KPNA3: variants seen among roughly 807,000 people sequenced by gnomAD.
KPNA3 encodes karyopherin subunit alpha 3, also known as importin subunit alpha-4.
A neutral mutation model predicts 73.8 loss-of-function variants in KPNA3; 13 were observed. That is an observed-to-expected ratio of 0.18 (90% CI 0.11 to 0.28). The LOEUF (loss-of-function observed/expected upper bound fraction) is 0.28. Among genes scored for constraint, KPNA3 ranks in the 10% least tolerant of loss-of-function variants. The probability of loss-of-function intolerance (pLI) is 1.00; values close to 1 mark genes in which losing one functional copy is unlikely to be tolerated. For missense variants in KPNA3, 360 were observed against 618.1 expected, an observed-to-expected ratio of 0.58 and a Z score of 4.43; for synonymous variants, 186 against 206.9, an observed-to-expected ratio of 0.90 and a Z score of 0.87.
intron 10 of KPNA3, among the ~76,000 whole-genome samples, chr13:49,713,979 C>T (rs1213649813): frequency 6.6e-6 from 1 of 152,222 alleles, no homozygotes; most frequent in African/African-American, 2.4e-5. Flanking sequence ...GCTGGGATTA[C>T]AGGCATGAGC....
chr13:49,705,943 T>C (rs1954203731), intron 14 of KPNA3, among the ~76,000 whole-genome samples, 155 bp downstream of exon 14: 1 of 152,184 alleles, frequency 6.6e-6, no homozygotes, highest in Non-Finnish European at 1.5e-5. Flanking sequence ...AACTGCACTC[T>C]AGCCTGGGCA....
chr13:49,741,246 T>C, intron 2 of KPNA3, among the ~76,000 whole-genome samples: 1 of 152,190 alleles, frequency 6.6e-6, no homozygotes, highest in Non-Finnish European at 1.5e-5. Context: ...ATTTACATTC[T>C]GACCAAGAGT....
chr13:49,720,216 C>A (rs1387096280), intron 9 of KPNA3, among the ~76,000 whole-genome samples: 2 of 152,156 alleles, frequency 1.3e-5, no homozygotes, highest in Non-Finnish European at 2.9e-5. Flanking sequence ...TCTCACTTAC[C>A]TGCTTAACGT....
intron 1 of KPNA3, among the ~76,000 whole-genome samples, chr13:49,749,635 T>C (rs1389877344): frequency 6.6e-6 from 1 of 152,164 alleles, no homozygotes; most frequent in African/African-American, 2.4e-5. Flanking sequence ...AAAAGTACTA[T>C]ACCCATGAAA....
intron 1 of KPNA3, among the ~76,000 whole-genome samples, chr13:49,790,094 A>G (rs1271382711): frequency 4.6e-5 from 7 of 152,206 alleles, no homozygotes; most frequent in South Asian, 2.1e-4. Context: ...ATAGATACCC[A>G]ATAGACAATT....
rs996355596 is a variant in KPNA3, at chr13:49,722,275, T to C, written c.557-151A>G. ...AGTGTTGTTTCTCCAGATTTTGATC[T>C]GGGGAACGTAAATTTAACCTACCAA... On this transcript the variant is annotated intron_variant, in intron 8 of 16. Coordinates refer to ENST00000261667, the MANE Select transcript of KPNA3 (RefSeq NM_002267.4). The C allele has an allele frequency of 9.9e-6, 7 of 705,916 alleles. No individual in the cohort carries two copies. The African/African-American group carries it at 1.1e-4, about 11-fold the overall frequency. The allele number at this position is 705,916 out of a possible 1,614,324, so 43.7% of individuals were successfully genotyped here.
chr13:49,710,293 G>A (rs1954248562), intron 11 of KPNA3, among the ~76,000 whole-genome samples: 1 of 152,164 alleles, frequency 6.6e-6, no homozygotes, highest in Non-Finnish European at 1.5e-5. Flanking sequence ...ATAAACGCCT[G>A]GAATGGGCAC....
intron 1 of KPNA3, among the ~76,000 whole-genome samples, chr13:49,754,525 A>T (rs1225622650): frequency 5.3e-5 from 8 of 151,938 alleles, no homozygotes; most frequent in Non-Finnish European, 1.0e-4. Flanking sequence ...ACAACATAAA[A>T]AGCAAAACAA....
intron 1 of KPNA3, among the ~76,000 whole-genome samples, chr13:49,786,446 A>T (rs1307020639): frequency 6.6e-6 from 1 of 152,236 alleles, no homozygotes; most frequent in Non-Finnish European, 1.5e-5. Context: ...GACTGATAGT[A>T]CCAAGTATAC....
intron 2 of KPNA3, among the ~76,000 whole-genome samples, chr13:49,738,719 G>C (rs1954546920): frequency 6.6e-6 from 1 of 152,184 alleles, no homozygotes; most frequent in African/African-American, 2.4e-5. Flanking sequence ...GTTAGTTCCA[G>C]GAGCTTTCTG....
chr13:49,722,176 G>A, intron 8 of KPNA3, 52 bp from the exon 9 acceptor site: 1 of 1,268,168 alleles, frequency 7.9e-7, no homozygotes, highest in Middle Eastern at 2.3e-4. Flanking sequence ...GGATGAGAAA[G>A]TCTGAAATGT....
At chr13:49,791,615 G>A (rs79213152) in intron 1 of KPNA3, among the ~76,000 whole-genome samples, 5,358 of 152,242 alleles carry the variant, frequency 0.035, 339 homozygotes, top group African/African-American at 0.12. Flanking sequence ...ATTTATTTTA[G>A]TAAAACGTGT....
At chr13:49,747,363 AG>A (rs1954625873) in intron 1 of KPNA3, among the ~76,000 whole-genome samples, 1 of 150,908 alleles carries the variant, frequency 6.6e-6, no homozygotes, top group Non-Finnish European at 1.5e-5. Context: ...AAGAAGAAGA[AG>A]AAAAAAAAAA....
chr13:49,744,180 G>T (rs1041391812), intron 2 of KPNA3, among the ~76,000 whole-genome samples: 1 of 152,226 alleles, frequency 6.6e-6, no homozygotes, highest in Non-Finnish European at 1.5e-5. Context: ...TACTTACGAC[G>T]TGTGGACTTT....
intron 12 of KPNA3, among the ~76,000 whole-genome samples, chr13:49,708,246 C>T (rs183349125): frequency 2.0e-5 from 3 of 152,226 alleles, no homozygotes; most frequent in Admixed American, 1.3e-4. Flanking sequence ...CTGCCCGCCT[C>T]GGCCTCCCAA....
intron 11 of KPNA3, among the ~76,000 whole-genome samples, chr13:49,710,033 G>A (rs554164106): frequency 6.6e-6 from 1 of 152,132 alleles, no homozygotes; most frequent in Middle Eastern, 3.4e-3. Context: ...AGGCCGAGGC[G>A]GGGGGGATCA....
intron 10 of KPNA3, among the ~76,000 whole-genome samples, chr13:49,711,741 A>G (rs769021544): frequency 9.9e-5 from 15 of 152,242 alleles, no homozygotes; most frequent in Non-Finnish European, 1.6e-4. Context: ...GTTGTAGCTT[A>G]TGCAAAATCA....
intron 12 of KPNA3, among the ~76,000 whole-genome samples, chr13:49,708,863 A>G (rs2137533757): frequency 6.6e-6 from 1 of 152,308 alleles, no homozygotes; most frequent in South Asian, 2.1e-4. Context: ...GTAATTTTTT[A>G]TGATCCTTGA....
intron 1 of KPNA3, among the ~76,000 whole-genome samples, chr13:49,767,671 G>T (rs1251783976): frequency 6.6e-6 from 1 of 152,112 alleles, no homozygotes; most frequent in Non-Finnish European, 1.5e-5. Context: ...GACCATAAGA[G>T]TGGCTCTGTC....
Sources: allele counts gnomAD v4.1 joint callset (sites outside exome capture counted in the v4.1 genomes callset), GRCh38; gene constraint gnomAD v4.1.1; transcripts MANE v1.5; gene names NCBI Gene and HGNC (gene_info 2026-07-23, HGNC 2026-07-21).